Variants in GRK3 observed in about 807,000 individuals in gnomAD.
GRK3 encodes the protein adrenergic, beta, receptor kinase 2.
A neutral mutation model predicts 95.7 loss-of-function variants in GRK3; 54 were observed. That is an observed-to-expected ratio of 0.56 (90% CI 0.45 to 0.71). The LOEUF (loss-of-function observed/expected upper bound fraction) is 0.71, where lower values mean the gene tolerates loss of function less well. Among genes scored for constraint, GRK3 ranks in the 30% least tolerant of loss-of-function variants. The probability of loss-of-function intolerance (pLI) is 0.00; values close to 1 mark genes in which losing one functional copy is unlikely to be tolerated. For synonymous variants in GRK3, 281 were observed against 290.8 expected (o/e 0.97, Z 0.34); for missense variants, 649 against 851.2 (o/e 0.76, Z 2.96).
At chr22:25,673,004 C>T (rs188409761) in intron 7 of GRK3, among the ~76,000 whole-genome samples, 9 of 141,540 alleles carry the variant, frequency 6.4e-5, no homozygotes, top group Non-Finnish European at 1.1e-4. Flanking sequence ...AACAATCAAC[C>T]GGAATTTTTT....
chr22:25,594,043 C>A (rs948235447), intron 1 of GRK3, among the ~76,000 whole-genome samples: 2 of 152,142 alleles, frequency 1.3e-5, no homozygotes, highest in African/African-American at 4.8e-5. Flanking sequence ...ATATGATCCT[C>A]TAGCTTTGTT....
chr22:25,598,292 GA>G (rs1163275434), intron 1 of GRK3, among the ~76,000 whole-genome samples: 1 of 152,068 alleles, frequency 6.6e-6, no homozygotes, highest in Admixed American at 6.5e-5. Context: ...TCTAGGAGGG[GA>G]GATAAAAATT....
At position 25,718,404 on chromosome 22, in the gene GRK3, G is replaced by A. The variant is rs369895020; in HGVS notation, c.1791+23G>A. On this transcript the variant is annotated intron_variant, in intron 19 of 20. Transcript: ENST00000324198. ...CGGGTAAGTCTAAGGCAGCCTCACC[G>A]AGCATGTTTCCCAGTACGTACAATG... The A allele has an allele frequency of 4.7e-5, 75 of 1,612,568 alleles. No homozygotes were observed. In the African/African-American group the frequency reaches 7.6e-4, roughly 16 times the overall value.
intron 1 of GRK3, among the ~76,000 whole-genome samples, chr22:25,586,491 CTACT>C (rs1375142013): frequency 3.9e-5 from 6 of 152,252 alleles, no homozygotes; most frequent in African/African-American, 1.4e-4. Context: ...ATATATCTAC[CTACT>C]GTGTACACAC....
At chr22:25,687,722 C>T (rs1161207327) in intron 11 of GRK3, 55 bp downstream of exon 11, 1 of 1,588,310 alleles carries the variant, frequency 6.3e-7, no homozygotes, top group Non-Finnish European at 8.6e-7. Context: ...GAATGGTCCT[C>T]TAGAAGTCCC....
At chr22:25,575,328 G>A (rs191982394) in intron 1 of GRK3, among the ~76,000 whole-genome samples, 3 of 152,250 alleles carry the variant, frequency 2.0e-5, no homozygotes, top group African/African-American at 7.2e-5. Context: ...TAGCATAGAT[G>A]ATGGTGGAGC....
intron 8 of GRK3, among the ~76,000 whole-genome samples, chr22:25,677,193 C>G (rs544063808): frequency 6.6e-6 from 1 of 151,694 alleles, no homozygotes; most frequent in African/African-American, 2.4e-5. Context: ...AGACTCTCAT[C>G]TCTAAAAATA....
intron 3 of GRK3, among the ~76,000 whole-genome samples, chr22:25,659,710 T>C (rs1443538829): frequency 6.6e-6 from 1 of 152,206 alleles, no homozygotes; most frequent in Non-Finnish European, 1.5e-5. Context: ...TCTTACTGAT[T>C]ATAGAAAGTG....
At chr22:25,581,311 A>G (rs12157723) in intron 1 of GRK3, 2 of 152,200 alleles carry the variant, frequency 1.3e-5, no homozygotes, top group African/African-American at 2.4e-5. Flanking sequence ...GAATATCACA[A>G]CTGTGTCCCT....
chr22:25,607,210 C>T (rs1481687572), intron 2 of GRK3, among the ~76,000 whole-genome samples: 1 of 152,078 alleles, frequency 6.6e-6, no homozygotes, highest in African/African-American at 2.4e-5. Context: ...GCAGTCACAG[C>T]GTTTTGTGCT....
At chr22:25,682,715 T>C (rs1985990926) in intron 9 of GRK3, among the ~76,000 whole-genome samples, 1 of 152,170 alleles carries the variant, frequency 6.6e-6, no homozygotes, top group Admixed American at 6.5e-5. Context: ...TAAATAGAGC[T>C]AATAGATCTA....
chr22:25,704,689 G>A (rs2085286239), intron 15 of GRK3, among the ~76,000 whole-genome samples: 1 of 152,248 alleles, frequency 6.6e-6, no homozygotes, highest in Non-Finnish European at 1.5e-5. Flanking sequence ...GGGATTATAG[G>A]CGTGAGCCAC....
chr22:25,701,720 C>G (rs1244280253), intron 13 of GRK3, among the ~76,000 whole-genome samples: 2 of 151,516 alleles, frequency 1.3e-5, no homozygotes, highest in African/African-American at 4.9e-5. Flanking sequence ...GAGCCAGGTC[C>G]GAGGGATTTG....
intron 1 of GRK3, among the ~76,000 whole-genome samples, chr22:25,583,894 A>T (rs1932191948): frequency 6.6e-6 from 1 of 152,244 alleles, no homozygotes; most frequent in African/African-American, 2.4e-5. Flanking sequence ...TTATAACATC[A>T]TATTTCAACC....
chr22:25,627,044 G>A (rs2084633021), intron 2 of GRK3, among the ~76,000 whole-genome samples: 1 of 152,176 alleles, frequency 6.6e-6, no homozygotes, highest in African/African-American at 2.4e-5. Context: ...GGGGACAGGT[G>A]TCATGGCAGA....
At chr22:25,589,943 C>A (rs1932438571) in intron 1 of GRK3, among the ~76,000 whole-genome samples, 1 of 152,160 alleles carries the variant, frequency 6.6e-6, no homozygotes, top group Admixed American at 6.5e-5. Context: ...GAGACTAATT[C>A]ACTATCATGA....
chr22:25,612,094 A>G (rs188106051), intron 2 of GRK3, among the ~76,000 whole-genome samples: 1 of 152,194 alleles, frequency 6.6e-6, no homozygotes, highest in East Asian at 1.9e-4. Context: ...CGGCCTCCCA[A>G]AGTGCTAGGA....
chr22:25,647,395 C>G, intron 3 of GRK3: 1 of 1,318,754 alleles, frequency 7.6e-7, no homozygotes, highest in Non-Finnish European at 1.1e-6. Flanking sequence ...TCATCTTCAG[C>G]AAAGGGAACA....
chr22:25,661,543 A>G (rs963722951), intron 3 of GRK3, 33 bp from the exon 4 acceptor site: 1 of 1,420,324 alleles, frequency 7.0e-7, no homozygotes, highest in African/African-American at 1.4e-5. Flanking sequence ...CCAGGAAGAT[A>G]CAACCTAACA....
Sources: gnomAD v4.1 joint callset for allele counts (sites outside exome capture counted in the v4.1 genomes callset) on GRCh38, gnomAD v4.1.1 for gene constraint, MANE v1.5 for transcripts, NCBI Gene and HGNC (gene_info 2026-07-23, HGNC 2026-07-21) for gene names.